Variants in ANKS1B observed in about 807,000 individuals in gnomAD.
The protein encoded by ANKS1B is ankyrin repeat and sterile alpha motif domain-containing protein 1B.
A neutral mutation model predicts 148.3 loss-of-function variants in ANKS1B; 36 were observed. The ratio of observed to expected loss-of-function variants is 0.24; its 90% CI spans 0.19 to 0.32. The LOEUF is 0.32. Among genes scored for constraint, ANKS1B ranks in the 10% least tolerant of loss-of-function variants. ANKS1B has a pLI of 1.00. For synonymous variants in ANKS1B, 542 were observed against 560.8 expected, an observed-to-expected ratio of 0.97 and a Z score of 0.47; for missense variants, 1,157 against 1,542.6, an observed-to-expected ratio of 0.75 and a Z score of 4.19.
At chr12:99,010,858 C>A (rs1373170191) in intron 17 of ANKS1B, among the ~76,000 whole-genome samples, 2 of 148,454 alleles carry the variant, frequency 1.3e-5, no homozygotes, top group African/African-American at 2.5e-5. Flanking sequence ...GATCAGGTGA[C>A]CCTCCCACTT....
chr12:99,803,087 C>A (rs1184831852), intron 4 of ANKS1B, among the ~76,000 whole-genome samples: 1 of 151,862 alleles, frequency 6.6e-6, no homozygotes, highest in Non-Finnish European at 1.5e-5. Context: ...AATACTAATT[C>A]CCAACAGGTT....
At chr12:99,929,891 G>A (rs1170848983) in intron 1 of ANKS1B, among the ~76,000 whole-genome samples, 1 of 151,272 alleles carries the variant, frequency 6.6e-6, no homozygotes, top group African/African-American at 2.4e-5. Flanking sequence ...TGCTGTTTTG[G>A]TTACTGTAGC....
chr12:99,179,156 C>T (rs146056226), intron 14 of ANKS1B, among the ~76,000 whole-genome samples: 179 of 152,018 alleles, frequency 1.2e-3, no homozygotes, highest in African/African-American at 4.0e-3. Context: ...AGGCCGGGCG[C>T]GGTGGCTCAT....
At chr12:99,086,957 T>G (rs142867893) in intron 15 of ANKS1B, among the ~76,000 whole-genome samples, 106 of 152,290 alleles carry the variant, frequency 7.0e-4, no homozygotes, top group Non-Finnish European at 1.0e-3. Flanking sequence ...CCACTGTGGT[T>G]GTTTTCTAGA....
chr12:99,227,002 T>C (rs1289272695), intron 14 of ANKS1B, among the ~76,000 whole-genome samples: 1 of 152,212 alleles, frequency 6.6e-6, no homozygotes, highest in African/African-American at 2.4e-5. Context: ...GTTGCTGTGA[T>C]CAGCTAATTT....
intron 4 of ANKS1B, among the ~76,000 whole-genome samples, chr12:99,802,389 T>G (rs2067055202): frequency 6.6e-6 from 1 of 152,160 alleles, no homozygotes; most frequent in Non-Finnish European, 1.5e-5. Flanking sequence ...ATTGCTAACT[T>G]CAAGAGAAAA....
chr12:99,933,974 T>G (rs1044089675), intron 1 of ANKS1B, among the ~76,000 whole-genome samples: 3 of 152,166 alleles, frequency 2.0e-5, no homozygotes, highest in African/African-American at 7.2e-5. Context: ...TCAAATGTTT[T>G]TTCAGTATCA....
At chr12:99,506,216 G>A (rs1035771758) in intron 9 of ANKS1B, among the ~76,000 whole-genome samples, 4 of 152,030 alleles carry the variant, frequency 2.6e-5, no homozygotes, top group African/African-American at 7.2e-5. Flanking sequence ...TATAAAGTAT[G>A]CCTCACAATC....
intron 17 of ANKS1B, among the ~76,000 whole-genome samples, chr12:99,044,892 T>G (rs909828122): frequency 2.6e-5 from 4 of 152,156 alleles, no homozygotes; most frequent in Non-Finnish European, 4.4e-5. Flanking sequence ...GGTAAGTGAC[T>G]TTTTTTAAGG....
At chr12:99,671,755 G>A (rs2098539107) in intron 8 of ANKS1B, among the ~76,000 whole-genome samples, 2 of 151,994 alleles carry the variant, frequency 1.3e-5, no homozygotes, top group Admixed American at 6.6e-5. Context: ...TCTAGTTCAC[G>A]ACACTAAATC....
chr12:98,789,594 T>C (rs1380588230), intron 22 of ANKS1B, among the ~76,000 whole-genome samples: 1 of 152,112 alleles, frequency 6.6e-6, no homozygotes, highest in Non-Finnish European at 1.5e-5. Context: ...ACAGTGTGTA[T>C]ACCCTTTGAT....
intron 11 of ANKS1B, among the ~76,000 whole-genome samples, chr12:99,402,436 C>T (rs1376883598): frequency 1.4e-5 from 2 of 145,574 alleles, no homozygotes; most frequent in Non-Finnish European, 3.0e-5. Flanking sequence ...GCCTAGTACT[C>T]ATTAGTTATT....
At chr12:99,516,636 G>A (rs906903718) in intron 9 of ANKS1B, among the ~76,000 whole-genome samples, 19 of 152,016 alleles carry the variant, frequency 1.2e-4, no homozygotes, top group African/African-American at 3.9e-4. Context: ...TAATGCATGT[G>A]GGGCTTAACA....
At chr12:99,723,051 C>G (rs1481110855) in intron 8 of ANKS1B, among the ~76,000 whole-genome samples, 1 of 152,354 alleles carries the variant, frequency 6.6e-6, no homozygotes, top group Admixed American at 6.5e-5. Flanking sequence ...GAAATCACAA[C>G]ACCAGGGCCT....
chr12:99,394,656 G>A (rs189726798), intron 12 of ANKS1B, among the ~76,000 whole-genome samples: 5 of 152,158 alleles, frequency 3.3e-5, no homozygotes, highest in African/African-American at 9.6e-5. Flanking sequence ...CCTGACTTCA[G>A]AACAAGACAC....
intron 17 of ANKS1B, among the ~76,000 whole-genome samples, chr12:98,861,819 G>C (rs868819439): frequency 1.3e-5 from 2 of 152,114 alleles, no homozygotes; most frequent in Non-Finnish European, 2.9e-5. Context: ...GAAAAACTGG[G>C]GCTGAATCCT....
At chr12:99,135,630 G>T (rs539487376) in intron 15 of ANKS1B, among the ~76,000 whole-genome samples, 10 of 152,348 alleles carry the variant, frequency 6.6e-5, no homozygotes, top group African/African-American at 2.4e-4. Flanking sequence ...GGCCTTGAAT[G>T]ACATACTAAG....
At chr12:99,378,374 G>C (rs1476220059) in intron 12 of ANKS1B, among the ~76,000 whole-genome samples, 3 of 152,044 alleles carry the variant, frequency 2.0e-5, no homozygotes, top group Admixed American at 6.6e-5. Flanking sequence ...TAAAAGAGAA[G>C]GCCGGGCATG....
chr12:98,948,338 T>C (rs1314179494), intron 17 of ANKS1B, among the ~76,000 whole-genome samples: 3 of 152,186 alleles, frequency 2.0e-5, no homozygotes, highest in African/African-American at 7.2e-5. Context: ...TGTAAAAACT[T>C]CAGAGGGCTG....
Sources: gnomAD v4.1 joint callset for allele counts (sites outside exome capture counted in the v4.1 genomes callset) on GRCh38, gnomAD v4.1.1 for gene constraint, MANE v1.5 for transcripts, NCBI Gene and HGNC (gene_info 2026-07-23, HGNC 2026-07-21) for gene names.